SULT6B1: variants seen among roughly 807,000 people sequenced by gnomAD.
SULT6B1 encodes the protein sulfotransferase family 6B member 1.
In SULT6B1, 44 loss-of-function variants were observed where a neutral mutation model predicts 37.2. The ratio of observed to expected loss-of-function variants is 1.18; its 90% CI spans 0.93 to 1.52. The LOEUF (loss-of-function observed/expected upper bound fraction) is 1.52, where lower values mean the gene tolerates loss of function less well. Among genes scored for constraint, SULT6B1 ranks in the 40% most tolerant of loss-of-function variants. SULT6B1 has a pLI of 0.00. For missense variants in SULT6B1, 450 were observed against 361.0 expected, an observed-to-expected ratio of 1.25 and a Z score of -2.00; for synonymous variants, 140 against 126.0, an observed-to-expected ratio of 1.11 and a Z score of -0.74.
intron 6 of SULT6B1, among the ~76,000 whole-genome samples, chr2:37,169,465 T>C (rs11691674): frequency 0.22 from 34,076 of 151,874 alleles, 3,954 homozygotes; most frequent in South Asian, 0.34. Context: ...GGTTTTTTGG[T>C]TTGTTTGTTT....
chr2:37,176,747 A>T (rs1345367316), intron 4 of SULT6B1, among the ~76,000 whole-genome samples: 1 of 152,132 alleles, frequency 6.6e-6, no homozygotes, highest in African/African-American at 2.4e-5. Context: ...ATTTGGGTCT[A>T]AGCTGATCAT....
chr2:37,188,983 TAGAAATTCACAG>T (rs1455145028), upstream of SULT6B1, among the ~76,000 whole-genome samples: 9 of 152,244 alleles, frequency 5.9e-5, no homozygotes, highest in African/African-American at 2.2e-4. Flanking sequence ...ATTTTTCTAT[TAGAAATTCACAG>T]AATGAAACCT....
Position 37,181,086 on chromosome 2 carries a change from A to C in SULT6B1, c.403-1502T>G, listed in dbSNP as rs1420462952. ...AAAGTGGGAGGGAATCAGGATCTCA[A>C]AATACCTTGTCTGCCTAAAGAATTT... On this transcript the variant is annotated intron_variant, in intron 3 of 6. Coordinates refer to ENST00000535679, the MANE Select transcript of SULT6B1 (RefSeq NM_001367551.1). Among the ~76,000 whole-genome samples, 3 of 152,286 alleles carry C rather than the reference A, an allele frequency of 2.0e-5. No individual in the cohort carries two copies. The East Asian group carries it at 5.8e-4, about 29-fold the overall frequency.
chr2:37,179,326 T>C (rs1316407569), intron 4 of SULT6B1, 132 bp downstream of exon 4: 2 of 1,134,618 alleles, frequency 1.8e-6, no homozygotes, highest in Non-Finnish European at 2.5e-6. Flanking sequence ...GCTATGACCG[T>C]TCATTTAAAT....
chr2:37,178,640 A>T (rs1417342755), intron 4 of SULT6B1, among the ~76,000 whole-genome samples: 3 of 152,192 alleles, frequency 2.0e-5, no homozygotes, highest in African/African-American at 7.2e-5. Context: ...GACGACCCCT[A>T]CTTTAGCACC....
At chr2:37,179,631 A>C in intron 3 of SULT6B1, 47 bp from the exon 4 acceptor site, 1 of 1,567,108 alleles carries the variant, frequency 6.4e-7, no homozygotes, top group Non-Finnish European at 8.7e-7. Context: ...ATGTTTTGAA[A>C]TTTGGAAAAT....
upstream of SULT6B1, among the ~76,000 whole-genome samples, chr2:37,192,399 T>A (rs1676797657): frequency 6.6e-6 from 1 of 152,148 alleles, no homozygotes. Context: ...GGCACAGGTA[T>A]CCGGGTTTCA....
intron 2 of SULT6B1, among the ~76,000 whole-genome samples, chr2:37,184,643 C>G (rs1456703956): frequency 6.6e-6 from 1 of 152,080 alleles, no homozygotes; most frequent in African/African-American, 2.4e-5. Flanking sequence ...GCATCCTGCC[C>G]AATATGGGGA....
chr2:37,181,667 C>T (rs992332505), intron 3 of SULT6B1, among the ~76,000 whole-genome samples: 1 of 152,168 alleles, frequency 6.6e-6, no homozygotes. Context: ...CAGATGTGAG[C>T]CACTGCATCC....
upstream of SULT6B1, among the ~76,000 whole-genome samples, chr2:37,192,522 C>G (rs1211745810): frequency 2.0e-5 from 3 of 152,150 alleles, no homozygotes; most frequent in Non-Finnish European, 4.4e-5. Context: ...ACTTGAAGGC[C>G]TTCTTGCCTT....
chr2:37,170,779 A>C (rs527775839), intron 6 of SULT6B1, among the ~76,000 whole-genome samples: 23 of 148,580 alleles, frequency 1.5e-4, no homozygotes, highest in Admixed American at 2.7e-4. Flanking sequence ...TGGGGCTTCC[A>C]GGAAAGTTAT....
At chr2:37,185,500 T>C (rs918142104) in intron 2 of SULT6B1, among the ~76,000 whole-genome samples, 3 of 152,126 alleles carry the variant, frequency 2.0e-5, no homozygotes, top group Admixed American at 2.0e-4. Flanking sequence ...GTGGATCACT[T>C]GAGGTCAGGA....
upstream of SULT6B1, among the ~76,000 whole-genome samples, chr2:37,192,390 G>A (rs2148303621): frequency 6.6e-6 from 1 of 152,254 alleles, no homozygotes. Context: ...TCCTAGCTAG[G>A]CACAGGTATC....
At chr2:37,193,794 T>C (rs1676836769) in intron 1 of SULT6B1, among the ~76,000 whole-genome samples, 1 of 152,176 alleles carries the variant, frequency 6.6e-6, no homozygotes, top group African/African-American at 2.4e-5. Context: ...AAGACTGGGA[T>C]TTTAGCCTGC....
rs767341873 is a variant in SULT6B1, at chr2:37,167,988, C to G, written c.859G>C (p.Ala287Pro). 2.5e-6 allele frequency: 4 copies of G among 1,601,532 alleles called. No individual in the cohort carries two copies. Among genetic ancestry groups the G allele is most frequent in the Admixed American group, 3.6e-5 (2 of 55,872 alleles). The stretch of plus-strand genomic sequence containing the variant: ...AACTTTGCTCCGAGGGAGGTGCCTG[C>G]TAAGCACTCTTTGAATTTTTCATCC... Reference protein sequence around the residue: ...EMDEKFKECLAGTSLGAKLKY... With the variant: ...EMDEKFKECLPGTSLGAKLKY... The change falls in exon 7 of 7, where the codon GCA (alanine) becomes CCA (proline). Residue 287 changes from alanine to proline, a missense_variant. Ala to Pro is a conservative substitution (Grantham distance 27). Coordinates refer to ENST00000535679, the MANE Select transcript of SULT6B1 (RefSeq NM_001367551.1).
At chr2:37,186,017 C>T (rs1244441351) in intron 2 of SULT6B1, among the ~76,000 whole-genome samples, 2 of 152,144 alleles carry the variant, frequency 1.3e-5, no homozygotes, top group African/African-American at 4.8e-5. Context: ...GCACTTACCT[C>T]CAAAACACCC....
At chr2:37,181,743 G>A (rs1047640853) in intron 3 of SULT6B1, among the ~76,000 whole-genome samples, 2 of 152,070 alleles carry the variant, frequency 1.3e-5, no homozygotes, top group Non-Finnish European at 2.9e-5. Context: ...AAAAGCCTGC[G>A]TGCCCCAAGT....
Position 37,184,309 on chromosome 2 carries a change from A to G in SULT6B1, c.313-795T>C, listed in dbSNP as rs61491929. Among the ~76,000 whole-genome samples the G allele has an allele frequency of 8.4e-3, 1,284 of 152,342 alleles. 18 individuals are homozygous for G. The highest frequency in any genetic ancestry group is 0.029 in the African/African-American group (1,209 of 41,586). ...ATATCTCAATGGAACCTGAAAGTAC[A>G]GAGTTACTTAAATGTCCGAGAAATG... is the stretch of plus-strand genomic sequence containing the variant. On this transcript the variant is annotated intron_variant, in intron 2 of 6. Coordinates refer to ENST00000535679, the MANE Select transcript of SULT6B1 (RefSeq NM_001367551.1).
intron 4 of SULT6B1, among the ~76,000 whole-genome samples, chr2:37,175,752 C>T (rs72790698): frequency 0.014 from 2,136 of 152,136 alleles, 14 homozygotes; most frequent in Non-Finnish European, 0.022. Context: ...TTGAGTGAAA[C>T]ATTACATTAT....
Sources: gnomAD v4.1 joint callset for allele counts (sites outside exome capture counted in the v4.1 genomes callset) on GRCh38, gnomAD v4.1.1 for gene constraint, MANE v1.5 for transcripts, NCBI Gene and HGNC (gene_info 2026-07-23, HGNC 2026-07-21) for gene names.